Variants in RNF115 observed in about 807,000 individuals in gnomAD.
The protein encoded by RNF115 is ring finger protein 115.
A neutral mutation model predicts 39.2 loss-of-function variants in RNF115; 31 were observed. That is an observed-to-expected ratio of 0.79 (90% CI 0.59 to 1.07). The LOEUF (loss-of-function observed/expected upper bound fraction) is 1.07. RNF115 is among the 50% of genes least tolerant of loss of function. The pLI is 0.00. For missense variants in RNF115, 384 were observed against 381.7 expected (o/e 1.01, Z -0.05); for synonymous variants, 124 against 131.0 (o/e 0.95, Z 0.37).
chr1:145,783,553 C>T (rs183096404), intron 3 of RNF115, among the ~76,000 whole-genome samples: 73 of 152,250 alleles, frequency 4.8e-4, no homozygotes, highest in African/African-American at 1.7e-3. Context: ...CTAGGCACTT[C>T]GGCTATCTCT....
chr1:145,762,514 T>C (rs1553713993), intron 4 of RNF115, among the ~76,000 whole-genome samples: 5 of 152,178 alleles, frequency 3.3e-5, no homozygotes, highest in African/African-American at 1.2e-4. Context: ...ATAAAAAAGA[T>C]TATAAAATAT....
intron 1 of RNF115, among the ~76,000 whole-genome samples, chr1:145,798,106 GTTGA>G (rs1559126236): frequency 1.3e-5 from 2 of 152,112 alleles, no homozygotes. Flanking sequence ...GCCTTTTCAA[GTTGA>G]TTGTGTTCAT....
intron 1 of RNF115, among the ~76,000 whole-genome samples, chr1:145,820,396 T>G (rs1650182865): frequency 6.6e-6 from 1 of 151,392 alleles, no homozygotes; most frequent in African/African-American, 2.4e-5. Context: ...GCCCACAAAT[T>G]CAAGAACAGC....
intron 1 of RNF115, among the ~76,000 whole-genome samples, chr1:145,797,160 C>T (rs1553720226): frequency 6.6e-6 from 1 of 152,156 alleles, no homozygotes; most frequent in African/African-American, 2.4e-5. Context: ...TTCCTTATCT[C>T]TCCCTAATTC....
intron 3 of RNF115, among the ~76,000 whole-genome samples, chr1:145,777,192 A>G (rs1647924861): frequency 6.6e-6 from 1 of 152,188 alleles, no homozygotes; most frequent in Non-Finnish European, 1.5e-5. Flanking sequence ...CTCACAGAAG[A>G]CAACTCTCAA....
chr1:145,766,970 G>C (rs1177433659), intron 4 of RNF115, among the ~76,000 whole-genome samples: 3 of 139,222 alleles, frequency 2.2e-5, no homozygotes, highest in Admixed American at 1.4e-4. Flanking sequence ...CTCCCGGTCG[G>C]GGTGGCTGGC....
rs2101447472 is a variant in RNF115, at chr1:145,746,828, T to C, written c.*38A>G. 6.3e-7 allele frequency: 1 copy of C among 1,599,712 alleles called. No homozygotes were observed. The highest frequency in any genetic ancestry group is 1.3e-5 in the African/African-American group (1 of 74,730). On this transcript the variant is annotated 3_prime_UTR_variant, in exon 9 of 9. Coordinates refer to ENST00000582693, the MANE Select transcript of RNF115 (RefSeq NM_014455.4). ...GATACAATTTACAGCTATGGTAAGA[T>C]GATTACCACAGCCCTGATTCAGGTG...
At position 145,746,925 on chromosome 1, in the gene RNF115, C is replaced by A. The variant is rs1334987271; in HGVS notation, c.856G>T (p.Ala286Ser). The stretch of plus-strand genomic sequence containing the variant: ...TTGCTAAATCTGTTGCTTGCAGAGG[C>A]CTCAGTGCTCTGGCTTTGCCGAGTA... ...DSTRQSQSTE[A>S]SASNRFSNDS... Residue 286 changes from alanine (A) to serine (S), a missense_variant, in exon 9 of 9, where the codon GCC becomes TCC. Physicochemically the swap from Ala to Ser is moderately conservative, Grantham distance 99. Transcript: ENST00000582693. The A allele has an allele frequency of 6.2e-7, 1 of 1,614,034 alleles. No individual in the cohort carries two copies. The highest frequency in any genetic ancestry group is 8.5e-7 in the Non-Finnish European group (1 of 1,179,940).
At chr1:145,784,253 TG>T (rs1553717837) in intron 3 of RNF115, among the ~76,000 whole-genome samples, 1 of 152,230 alleles carries the variant, frequency 6.6e-6, no homozygotes, top group African/African-American at 2.4e-5. Context: ...ATTCTCACAC[TG>T]TATATACAAT....
chr1:145,803,133 G>C (rs1253181159), intron 1 of RNF115, among the ~76,000 whole-genome samples: 1 of 152,174 alleles, frequency 6.6e-6, no homozygotes, highest in Non-Finnish European at 1.5e-5. Flanking sequence ...ACAAGAAAGA[G>C]AAAGTTTCCA....
intron 4 of RNF115, among the ~76,000 whole-genome samples, chr1:145,758,973 A>G (rs1411697815): frequency 6.6e-6 from 1 of 152,224 alleles, no homozygotes; most frequent in South Asian, 2.1e-4. Flanking sequence ...TATACATTTA[A>G]TTTTAGAAAC....
intron 4 of RNF115, among the ~76,000 whole-genome samples, chr1:145,762,866 G>C: frequency 6.6e-6 from 1 of 152,270 alleles, no homozygotes; most frequent in East Asian, 1.9e-4. Context: ...GCAGCAACAT[G>C]AATATAGCTG....
intron 1 of RNF115, among the ~76,000 whole-genome samples, chr1:145,812,241 A>G (rs1649759652): frequency 6.7e-6 from 1 of 150,168 alleles, no homozygotes; most frequent in African/African-American, 2.4e-5. Flanking sequence ...AATCTGTACA[A>G]CATCAAAGTG....
At chr1:145,767,731 G>C (rs587699780) in intron 4 of RNF115, among the ~76,000 whole-genome samples, 1 of 152,380 alleles carries the variant, frequency 6.6e-6, no homozygotes. Context: ...GGCACCTCGG[G>C]AGGCCGAGGC....
At chr1:145,778,985 T>A (rs1166070149) in intron 3 of RNF115, among the ~76,000 whole-genome samples, 1 of 152,214 alleles carries the variant, frequency 6.6e-6, no homozygotes, top group South Asian at 2.1e-4. Flanking sequence ...CAACTTTGTG[T>A]TCCAATTCAG....
At chr1:145,749,693 CCT>C (rs1271832151) in intron 7 of RNF115, among the ~76,000 whole-genome samples, 1 of 152,148 alleles carries the variant, frequency 6.6e-6, no homozygotes, top group African/African-American at 2.4e-5. Context: ...CTCTAAAATC[CCT>C]GTTTCTGCTC....
chr1:145,792,759 A>G (rs781972941), intron 1 of RNF115, among the ~76,000 whole-genome samples: 8 of 152,214 alleles, frequency 5.3e-5, no homozygotes, highest in Non-Finnish European at 1.0e-4. Context: ...AGGGAATGGT[A>G]TGAATGTGGA....
At position 145,744,838 on chromosome 1, in the gene RNF115, A is replaced by G. The variant is rs1426226055; in HGVS notation, c.*2028T>C. On this transcript the variant is annotated 3_prime_UTR_variant, in exon 9 of 9. Transcript: ENST00000582693. ...TTCCTTTTGAGACCTTGAAGTTTCAACAACATTCTTGACCTTCTTAATTTA... is the reference window on the plus strand; with the variant it reads ...TTCCTTTTGAGACCTTGAAGTTTCAGCAACATTCTTGACCTTCTTAATTTA... The G allele has an allele frequency of 6.6e-6, 1 of 152,142 alleles. No individual in the cohort carries two copies. The highest frequency in any genetic ancestry group is 1.5e-5 in the Non-Finnish European group (1 of 68,036). 9.4% of individuals were successfully genotyped at this position (152,142 alleles called of 1,614,324 possible).
At chr1:145,779,221 C>A (rs1648014070) in intron 3 of RNF115, among the ~76,000 whole-genome samples, 1 of 150,584 alleles carries the variant, frequency 6.6e-6, no homozygotes, top group African/African-American at 2.5e-5. Context: ...GACACCCAGG[C>A]TGGGGTGCAG....
Sources: gnomAD v4.1 joint callset for allele counts (sites outside exome capture counted in the v4.1 genomes callset) on GRCh38, gnomAD v4.1.1 for gene constraint, MANE v1.5 for transcripts, NCBI Gene and HGNC (gene_info 2026-07-23, HGNC 2026-07-21) for gene names.